ADCY10: variants seen among roughly 807,000 people sequenced by gnomAD.
ADCY10 encodes adenylate cyclase 10.
Under a neutral mutation model 183.3 loss-of-function variants are expected in ADCY10, and 156 were observed. The observed-to-expected ratio is 0.85, with a 90% CI of 0.75 to 0.97. The LOEUF (loss-of-function observed/expected upper bound fraction) is 0.97, where lower values mean the gene tolerates loss of function less well. Among genes scored for constraint, ADCY10 ranks in the 50% least tolerant of loss-of-function variants. The pLI is 0.00. For missense variants in ADCY10, 1,745 were observed against 1,934.3 expected (o/e 0.90, Z 1.84); for synonymous variants, 645 against 670.0 (o/e 0.96, Z 0.58).
In ADCY10 at chr1:167,856,453, A is replaced by C; in HGVS notation, c.1897-14T>G. On this transcript the variant is annotated splice_polypyrimidine_tract_variant and intron_variant, in intron 16 of 32. Coordinates refer to ENST00000367851, the MANE Select transcript of ADCY10 (RefSeq NM_018417.6). ...CTCTTTCACTATCTGGACAAGATGC[A>C]GAAAGAGAAAGAGAAACACCATAGG... is the stretch of plus-strand genomic sequence containing the variant. 6.2e-7 allele frequency: 1 copy of C among 1,613,782 alleles called. No individual in the cohort carries two copies. Among genetic ancestry groups the C allele is most frequent in the Non-Finnish European group, 8.5e-7 (1 of 1,179,882 alleles).
chr1:167,855,552 A>T (rs1314985723), intron 17 of ADCY10, among the ~76,000 whole-genome samples: 1 of 152,174 alleles, frequency 6.6e-6, no homozygotes. Context: ...CTTGCCCATA[A>T]CAATGCTCTT....
At position 167,856,459 on chromosome 1, in the gene ADCY10, A is replaced by C. The variant is rs751290850; in HGVS notation, c.1897-20T>G. The C allele has an allele frequency of 6.2e-7, 1 of 1,613,920 alleles. No homozygotes were observed. The highest frequency in any genetic ancestry group is 8.5e-7 in the Non-Finnish European group (1 of 1,179,984). On this transcript the variant is annotated intron_variant, in intron 16 of 32. Transcript: ENST00000367851. ...CACTATCTGGACAAGATGCAGAAAGAGAAAGAGAAACACCATAGGACGTCA... is the reference window on the plus strand; with the variant it reads ...CACTATCTGGACAAGATGCAGAAAGCGAAAGAGAAACACCATAGGACGTCA...
At chr1:167,842,130 C>T (rs2101948376) in intron 21 of ADCY10, among the ~76,000 whole-genome samples, 1 of 152,332 alleles carries the variant, frequency 6.6e-6, no homozygotes, top group South Asian at 2.1e-4. Context: ...ATCTGATTCA[C>T]ACATAATGCA....
At chr1:167,864,206 T>C (rs1410576189) in intron 14 of ADCY10, among the ~76,000 whole-genome samples, 1 of 152,228 alleles carries the variant, frequency 6.6e-6, no homozygotes, top group African/African-American at 2.4e-5. Context: ...TTCTTTGTTT[T>C]GTGGTGTGCA....
At chr1:167,840,501 C>T (rs574785385) in intron 21 of ADCY10, among the ~76,000 whole-genome samples, 10 of 151,838 alleles carry the variant, frequency 6.6e-5, no homozygotes, top group Non-Finnish European at 1.3e-4. Flanking sequence ...GGACTATAGG[C>T]GTGTCCCACC....
chr1:167,901,063 G>T (rs146174867), intron 5 of ADCY10, among the ~76,000 whole-genome samples: 2 of 152,266 alleles, frequency 1.3e-5, no homozygotes, highest in East Asian at 3.9e-4. Flanking sequence ...ATACAATGAT[G>T]CCTGTATCTC....
At chr1:167,841,843 G>A (rs897312394) in intron 21 of ADCY10, among the ~76,000 whole-genome samples, 5 of 152,092 alleles carry the variant, frequency 3.3e-5, no homozygotes, top group African/African-American at 1.2e-4. Context: ...TTTGTTCACC[G>A]ATGCATTTCA....
At chr1:167,854,942 C>A (rs985590015) in intron 17 of ADCY10, among the ~76,000 whole-genome samples, 1 of 152,122 alleles carries the variant, frequency 6.6e-6, no homozygotes, top group Non-Finnish European at 1.5e-5. Context: ...AGAAGCAGGG[C>A]AACCTCATTG....
intron 25 of ADCY10, among the ~76,000 whole-genome samples, chr1:167,830,660 C>G (rs1463470150): frequency 2.0e-5 from 3 of 152,152 alleles, no homozygotes; most frequent in African/African-American, 7.2e-5. Flanking sequence ...TCCCGAAGTG[C>G]TGGGATTGCA....
intron 14 of ADCY10, among the ~76,000 whole-genome samples, chr1:167,868,082 CG>C (rs1666831481): frequency 6.6e-6 from 1 of 152,124 alleles, no homozygotes; most frequent in African/African-American, 2.4e-5. Flanking sequence ...AGAGGAGGTT[CG>C]TAAACTCTCT....
chr1:167,824,454 GA>G, intron 28 of ADCY10, 21 bp downstream of exon 28: 2 of 1,608,986 alleles, frequency 1.2e-6, no homozygotes, highest in Non-Finnish European at 1.7e-6. Context: ...CCTAATTTTG[GA>G]AAATGCTTTA....
At chr1:167,829,816 T>C (rs1403404118) in intron 25 of ADCY10, among the ~76,000 whole-genome samples, 10 of 152,214 alleles carry the variant, frequency 6.6e-5, no homozygotes, top group Non-Finnish European at 1.2e-4. Flanking sequence ...GGTTAAGTAA[T>C]TAAGGCAAAG....
intron 13 of ADCY10, among the ~76,000 whole-genome samples, chr1:167,874,762 A>C (rs1667335538): frequency 6.6e-6 from 1 of 152,254 alleles, no homozygotes; most frequent in Non-Finnish European, 1.5e-5. Flanking sequence ...TATTTATAAA[A>C]ATGGAATACT....
At chr1:167,848,094 G>A (rs1665179034) in intron 19 of ADCY10, among the ~76,000 whole-genome samples, 2 of 151,476 alleles carry the variant, frequency 1.3e-5, no homozygotes, top group Non-Finnish European at 2.9e-5. Flanking sequence ...TTGAGATGGA[G>A]TCTCACTCTG....
At chr1:167,832,186 A>C (rs1313892238) in intron 25 of ADCY10, among the ~76,000 whole-genome samples, 1 of 152,208 alleles carries the variant, frequency 6.6e-6, no homozygotes, top group East Asian at 1.9e-4. Flanking sequence ...CCAAGATGGA[A>C]GAGGTGTCCT....
At chr1:167,858,352 G>C (rs1477688220) in intron 16 of ADCY10, among the ~76,000 whole-genome samples, 1 of 151,888 alleles carries the variant, frequency 6.6e-6, no homozygotes, top group Non-Finnish European at 1.5e-5. Flanking sequence ...ACAAAAATTA[G>C]CTAGGTGTGG....
chr1:167,809,585 G>T lies in ADCY10; in HGVS notation c.*93C>A. ...CTGTGTCTGGAACAGAAGAGATTAT[G>T]TAGGAACCTGGAGTGGGCCAGCCAC... On this transcript the variant is annotated 3_prime_UTR_variant, in exon 33 of 33. Coordinates refer to ENST00000367851, the MANE Select transcript of ADCY10 (RefSeq NM_018417.6). 1 of 1,332,034 alleles carries T rather than the reference G, an allele frequency of 7.5e-7. No homozygotes were observed. The highest frequency in any genetic ancestry group is 1.1e-6 in the Non-Finnish European group (1 of 927,042). 82.5% of individuals were successfully genotyped at this position (1,332,034 alleles called of 1,614,324 possible).
intron 24 of ADCY10, among the ~76,000 whole-genome samples, chr1:167,833,743 TCAA>T (rs1239585728): frequency 4.6e-5 from 4 of 87,126 alleles, no homozygotes; most frequent in Non-Finnish European, 6.4e-5. Flanking sequence ...AGACTCCCTC[TCAA>T]AAAAAAAAAA....
intron 18 of ADCY10, among the ~76,000 whole-genome samples, chr1:167,850,479 G>C (rs904914167): frequency 7.2e-5 from 11 of 152,098 alleles, no homozygotes; most frequent in Non-Finnish European, 1.2e-4. Context: ...ACTGGGGAGA[G>C]AGTTGTTTCC....
Sources: gnomAD v4.1 joint callset for allele counts (sites outside exome capture counted in the v4.1 genomes callset) on GRCh38, gnomAD v4.1.1 for gene constraint, MANE v1.5 for transcripts, NCBI Gene and HGNC (gene_info 2026-07-23, HGNC 2026-07-21) for gene names.